SLC25A25: variants seen among roughly 807,000 people sequenced by gnomAD.
SLC25A25 encodes the protein mitochondrial adenyl nucleotide antiporter SLC25A25.
In SLC25A25, 32 loss-of-function variants were observed where a neutral mutation model predicts 57.7. The ratio of observed to expected loss-of-function variants is 0.55; its 90% CI spans 0.42 to 0.74. The LOEUF is 0.74. SLC25A25 is among the 30% of genes least tolerant of loss of function. The pLI, the probability that SLC25A25 is intolerant of heterozygous loss-of-function variation, is 0.00. For synonymous variants in SLC25A25, 306 were observed against 291.2 expected (o/e 1.05, Z -0.52); for missense variants, 556 against 701.3 (o/e 0.79, Z 2.34).
chr9:128,104,713 G>A (rs1261019739), intron 6 of SLC25A25, among the ~76,000 whole-genome samples: 1 of 152,138 alleles, frequency 6.6e-6, no homozygotes, highest in Non-Finnish European at 1.5e-5. Context: ...AGCATGGGTG[G>A]GGCAGCAGGA....
intron 1 of SLC25A25, among the ~76,000 whole-genome samples, chr9:128,096,279 C>G (rs989214333): frequency 6.6e-6 from 1 of 152,164 alleles, no homozygotes; most frequent in African/African-American, 2.4e-5. Context: ...GAGGCCAAGG[C>G]AGGCAGATCA....
At chr9:128,098,584 G>T (rs765416604) in intron 1 of SLC25A25, 2 of 1,614,016 alleles carry the variant, frequency 1.2e-6, no homozygotes, top group African/African-American at 2.7e-5. Flanking sequence ...GTCTGTGCCT[G>T]TATGTGCCGG....
intron 1 of SLC25A25, among the ~76,000 whole-genome samples, chr9:128,084,961 A>T (rs1367819980): frequency 1.3e-5 from 2 of 152,218 alleles, no homozygotes; most frequent in Non-Finnish European, 2.9e-5. Context: ...TACCCAAGAA[A>T]GCTACATGTG....
At chr9:128,070,159 T>C (rs1475922089) in intron 1 of SLC25A25, among the ~76,000 whole-genome samples, 2 of 139,358 alleles carry the variant, frequency 1.4e-5, no homozygotes, top group Admixed American at 1.6e-4. Context: ...GGTGCGATCT[T>C]GGCTCACTGC....
rs373449898 is a variant in SLC25A25, at chr9:128,076,438, TTTTTTATTTTTA to T, written c.261+7888_261+7899del. Among the ~76,000 whole-genome samples the T allele has an allele frequency of 1.8e-3, 240 of 136,180 alleles. 2 individuals are homozygous for T. Among genetic ancestry groups the T allele is most frequent in the African/African-American group, 6.0e-3 (187 of 31,308 alleles). The allele number at this position is 136,180 out of a possible 152,430, so 89.3% of individuals were successfully genotyped here. A position where few individuals can be genotyped will look rare whatever the true frequency, so the allele number is the denominator to read the frequency against. On this transcript the variant is annotated intron_variant, in intron 1 of 10. Coordinates refer to ENST00000373069, the MANE Select transcript of SLC25A25 (RefSeq NM_001330988.2). ...GAGCCACCACGCCCAGCCTAACTTTTTTTTTATTTTTATTTTTATTTTTATTTTTATTTTTAT... is the reference window on the plus strand; with the variant it reads ...GAGCCACCACGCCCAGCCTAACTTTTTTTTTATTTTTATTTTTATTTTTAT...
At chr9:128,081,927 T>TA (rs1032144450) in intron 1 of SLC25A25, among the ~76,000 whole-genome samples, 64 of 151,536 alleles carry the variant, frequency 4.2e-4, no homozygotes, top group Admixed American at 1.2e-3. Flanking sequence ...TCAAAAAAAA[T>TA]AAAGTAGAAA....
chr9:128,107,748 C>G lies in SLC25A25; in HGVS notation c.*304C>G, dbSNP rs1834113333. The G allele has an allele frequency of 2.5e-6, 1 of 405,822 alleles. No homozygotes were observed. Among genetic ancestry groups the G allele is most frequent in the Non-Finnish European group, 4.3e-6 (1 of 230,204 alleles). The allele number at this position is 405,822 out of a possible 1,614,324, so 25.1% of individuals were successfully genotyped here. On this transcript the variant is annotated 3_prime_UTR_variant, in exon 11 of 11. Transcript: ENST00000373069. Reference sequence around the variant, plus strand: ...TTCTGCAGTGCCTGCCAATAGCGAGCTTGGAGCCTGGAGGCCGGCTTAGTT... The same window carrying G: ...TTCTGCAGTGCCTGCCAATAGCGAGGTTGGAGCCTGGAGGCCGGCTTAGTT...
At chr9:128,074,947 C>A (rs1218246552) in intron 1 of SLC25A25, among the ~76,000 whole-genome samples, 1 of 151,582 alleles carries the variant, frequency 6.6e-6, no homozygotes, top group East Asian at 1.9e-4. Context: ...ACCAGCCTGG[C>A]CAACATAGTG....
chr9:128,106,372 CGCT>C lies in SLC25A25; in HGVS notation c.1067_1069del (p.Leu356del). ...GTGCAGGTCCTGAAGACCCGGATGGCGCTGCGGAAGACAGGCCAGTACTCAGGA... is the reference window on the plus strand; with the variant it reads ...GTGCAGGTCCTGAAGACCCGGATGGCGCGGAAGACAGGCCAGTACTCAGGA... On this transcript the variant is annotated inframe_deletion, in exon 9 of 11. Coordinates refer to ENST00000373069, the MANE Select transcript of SLC25A25 (RefSeq NM_001330988.2). 6.2e-7 allele frequency: 1 copy of C among 1,613,638 alleles called. No individual in the cohort carries two copies.
At chr9:128,105,369 C>A (rs1004112449) in intron 6 of SLC25A25, among the ~76,000 whole-genome samples, 3 of 151,100 alleles carry the variant, frequency 2.0e-5, no homozygotes, top group African/African-American at 7.3e-5. Flanking sequence ...CGGGGTTTCA[C>A]CATGTTGGCT....
At chr9:128,074,826 C>T (rs1342647520) in intron 1 of SLC25A25, among the ~76,000 whole-genome samples, 1 of 152,032 alleles carries the variant, frequency 6.6e-6, no homozygotes, top group African/African-American at 2.4e-5. Context: ...CTTGGTGAAA[C>T]CCTGTCTCTA....
At chr9:128,080,362 A>T (rs1012966270) in intron 1 of SLC25A25, among the ~76,000 whole-genome samples, 2 of 151,352 alleles carry the variant, frequency 1.3e-5, no homozygotes, top group Non-Finnish European at 3.0e-5. Flanking sequence ...AAAAAAAAAA[A>T]AAAAAAAAAA....
intron 1 of SLC25A25, among the ~76,000 whole-genome samples, chr9:128,082,095 C>T (rs1419228873): frequency 6.6e-6 from 1 of 152,094 alleles, no homozygotes; most frequent in African/African-American, 2.4e-5. Context: ...AACTTGGGAC[C>T]TCGAAGGGGA....
chr9:128,096,632 G>T (rs757640906), intron 1 of SLC25A25, among the ~76,000 whole-genome samples: 2 of 152,192 alleles, frequency 1.3e-5, no homozygotes, highest in Non-Finnish European at 2.9e-5. Context: ...TGTTTCTTGG[G>T]GTCTTAGAGC....
At chr9:128,096,862 G>A (rs911506952) in intron 1 of SLC25A25, among the ~76,000 whole-genome samples, 7 of 152,242 alleles carry the variant, frequency 4.6e-5, no homozygotes, top group African/African-American at 1.7e-4. Flanking sequence ...GGATTTAGCG[G>A]AGGCTGAGCA....
At chr9:128,098,945 G>A (rs1213346565) in intron 1 of SLC25A25, 12 of 985,356 alleles carry the variant, frequency 1.2e-5, no homozygotes, top group Non-Finnish European at 1.4e-5. Flanking sequence ...AGCGAAGGCT[G>A]TTGTGAGAAA....
At chr9:128,075,623 C>T (rs538763164) in intron 1 of SLC25A25, among the ~76,000 whole-genome samples, 46 of 152,252 alleles carry the variant, frequency 3.0e-4, no homozygotes, top group Admixed American at 2.8e-3. Context: ...AGGCAGATTG[C>T]CTGAGGTCAG....
chr9:128,092,904 T>C (rs1833450587), intron 1 of SLC25A25, among the ~76,000 whole-genome samples: 1 of 152,224 alleles, frequency 6.6e-6, no homozygotes, highest in African/African-American at 2.4e-5. Context: ...AGGAGACTAA[T>C]GGAGTGCTCA....
chr9:128,088,405 C>T (rs1833325359), intron 1 of SLC25A25, among the ~76,000 whole-genome samples: 1 of 152,192 alleles, frequency 6.6e-6, no homozygotes, highest in Non-Finnish European at 1.5e-5. Flanking sequence ...TGGGGGAGCT[C>T]ACTCCCTGTG....
Sources: allele counts gnomAD v4.1 joint callset (sites outside exome capture counted in the v4.1 genomes callset), GRCh38; gene constraint gnomAD v4.1.1; transcripts MANE v1.5; gene names NCBI Gene and HGNC (gene_info 2026-07-23, HGNC 2026-07-21).